The following ITPR2 variants were observed in gnomAD, a reference collection of about 807,000 sequenced individuals.
The protein encoded by ITPR2 is inositol 1,4,5-trisphosphate-gated calcium channel ITPR2.
In ITPR2, 207 loss-of-function variants were observed where a neutral mutation model predicts 317.1. The ratio of observed to expected loss-of-function variants is 0.65; its 90% CI spans 0.58 to 0.73. ITPR2 has a LOEUF of 0.73. Ranked by LOEUF, ITPR2 falls within the 30% of genes least tolerant of loss-of-function variation. The pLI, the probability that ITPR2 is intolerant of heterozygous loss-of-function variation, is 0.00. For synonymous variants in ITPR2, 1,156 were observed against 1,149.1 expected, an observed-to-expected ratio of 1.01 and a Z score of -0.12; for missense variants, 2,613 against 3,284.0, an observed-to-expected ratio of 0.80 and a Z score of 4.99.
At position 26,494,291 on chromosome 12, in the gene ITPR2, G is replaced by T; in HGVS notation, c.5232C>A (p.Asp1744Glu). The T allele has an allele frequency of 6.2e-7, 1 of 1,612,550 alleles. No homozygotes were observed. The highest frequency in any genetic ancestry group is 8.5e-7 in the Non-Finnish European group (1 of 1,179,428). The change falls in exon 39 of 57, where the codon GAC becomes GAA. Residue 1744 changes from aspartate to glutamate, a missense_variant. By Grantham distance (45) the Asp-to-Glu change is conservative (BLOSUM62 2). Coordinates refer to ENST00000381340, the MANE Select transcript of ITPR2 (RefSeq NM_002223.4). The stretch of plus-strand genomic sequence containing the variant: ...CTTCTTTATCCAGCAGACACTGAAT[G>T]TCTGACATTGATATCCCCATCTTAT... The part of the protein sequence containing the change: ...DSDKMGISMS[D>E]IQCLLDKEGA...
intron 26 of ITPR2, 24 bp from the exon 27 acceptor site, chr12:26,602,730 T>G: frequency 7.7e-7 from 1 of 1,307,132 alleles, no homozygotes; most frequent in Non-Finnish European, 1.1e-6. Flanking sequence ...AAATATGTAC[T>G]TTTATGCCAT....
At chr12:26,684,838 TAGTA>T (rs1430513165) in intron 11 of ITPR2, among the ~76,000 whole-genome samples, 1 of 151,944 alleles carries the variant, frequency 6.6e-6, no homozygotes, top group Non-Finnish European at 1.5e-5. Flanking sequence ...AGTAAAGTCA[TAGTA>T]AGGATTGATT....
At position 26,589,833 on chromosome 12, in the gene ITPR2, C is replaced by CAT. The variant is rs796334245; in HGVS notation, c.4380+5630_4380+5631dup. ...AAAAATAAATAAATAAATAAATAAA[C>CAT]ATATATATATATATATATATACACA... On this transcript the variant is annotated intron_variant, in intron 32 of 56. Transcript: ENST00000381340. 5.5e-3 allele frequency among the ~76,000 whole-genome samples: 180 copies of CAT among 32,880 alleles called. 13 individuals are homozygous for CAT. Among genetic ancestry groups the CAT allele is most frequent in the African/African-American group, 0.011 (114 of 10,608 alleles). The allele number at this position is 32,880 out of a possible 152,430, so 21.6% of individuals were successfully genotyped here.
chr12:26,469,978 G>A (rs1370419942), intron 45 of ITPR2, among the ~76,000 whole-genome samples: 1 of 152,156 alleles, frequency 6.6e-6, no homozygotes, highest in Non-Finnish European at 1.5e-5. Flanking sequence ...GGGCCTGCAA[G>A]CCCAACTGGC....
chr12:26,816,092 CAAAAAAAAAAAAA>C lies in ITPR2; in HGVS notation c.92+16585_92+16597del, dbSNP rs11409442. ...TGGGTGACAGAGCAAGACTCCGTCT[CAAAAAAAAAAAAA>C]AAAAAAAAAAGGTGTACTGCAAAAT... On this transcript the variant is annotated intron_variant, in intron 1 of 56. Coordinates refer to ENST00000381340, the MANE Select transcript of ITPR2 (RefSeq NM_002223.4). Among the ~76,000 whole-genome samples the C allele has an allele frequency of 8.4e-5, 5 of 59,510 alleles. No homozygotes were observed. The East Asian group carries it at 1.5e-3, about 18-fold the overall frequency. 39.0% of individuals were successfully genotyped at this position (59,510 alleles called of 152,430 possible). A position where few individuals can be genotyped will look rare whatever the true frequency, so the allele number is the denominator to read the frequency against.
chr12:26,602,992 C>T (rs1230942051), intron 26 of ITPR2, among the ~76,000 whole-genome samples: 1 of 152,054 alleles, frequency 6.6e-6, no homozygotes, highest in Non-Finnish European at 1.5e-5. Flanking sequence ...AGTGCATATC[C>T]ATATGAGACA....
chr12:26,725,500 G>C (rs768325659), intron 3 of ITPR2, 150 bp downstream of exon 3: 5 of 605,756 alleles, frequency 8.3e-6, no homozygotes, highest in African/African-American at 1.9e-5. Context: ...CCTATTACTT[G>C]AAAAGCCCTT....
intron 55 of ITPR2, among the ~76,000 whole-genome samples, chr12:26,353,437 C>T (rs1444215992): frequency 1.3e-5 from 2 of 152,166 alleles, no homozygotes; most frequent in Non-Finnish European, 2.9e-5. Context: ...TCAAGGTGGC[C>T]TACAGAAAGA....
chr12:26,427,849 T>G, intron 49 of ITPR2, 64 bp downstream of exon 49: 2 of 1,085,748 alleles, frequency 1.8e-6, no homozygotes, highest in Middle Eastern at 2.4e-4. Context: ...TATAGTTATA[T>G]TTTTATATTT....
intron 34 of ITPR2, among the ~76,000 whole-genome samples, chr12:26,572,371 T>C (rs1243306437): frequency 6.6e-6 from 1 of 152,132 alleles, no homozygotes; most frequent in Non-Finnish European, 1.5e-5. Flanking sequence ...AAACAGGAGA[T>C]TCATGGCAAT....
intron 45 of ITPR2, among the ~76,000 whole-genome samples, chr12:26,464,832 G>T (rs4963999): frequency 0.49 from 74,519 of 152,030 alleles, 21,656 homozygotes; most frequent in Non-Finnish European, 0.63. Flanking sequence ...CCAGGCTTGG[G>T]CTACAGGAAT....
intron 45 of ITPR2, among the ~76,000 whole-genome samples, chr12:26,474,755 C>T (rs1488684419): frequency 2.3e-5 from 3 of 132,750 alleles, no homozygotes; most frequent in Non-Finnish European, 4.6e-5. Flanking sequence ...GATCCCGCCA[C>T]TGCACTCCAG....
intron 8 of ITPR2, among the ~76,000 whole-genome samples, chr12:26,711,675 T>C (rs926761233): frequency 6.6e-6 from 1 of 152,104 alleles, no homozygotes; most frequent in Admixed American, 6.5e-5. Flanking sequence ...TCCATTCTAA[T>C]GGAAAAGAGA....
chr12:26,713,100 T>G (rs953523860), intron 8 of ITPR2, among the ~76,000 whole-genome samples: 3 of 152,200 alleles, frequency 2.0e-5, no homozygotes, highest in Non-Finnish European at 4.4e-5. Context: ...AGCAGCTGAC[T>G]AGTGCCCGCT....
At chr12:26,473,782 G>T (rs563645914) in intron 45 of ITPR2, among the ~76,000 whole-genome samples, 18 of 152,058 alleles carry the variant, frequency 1.2e-4, no homozygotes, top group Non-Finnish European at 2.5e-4. Context: ...GACTCACTTT[G>T]TGTCACATGG....
chr12:26,622,627 G>A (rs921132647), intron 24 of ITPR2, among the ~76,000 whole-genome samples: 16 of 152,284 alleles, frequency 1.1e-4, no homozygotes, highest in Middle Eastern at 3.4e-3. Flanking sequence ...CAAACATCCC[G>A]GTTTATCCAA....
rs1239120187 is a variant in ITPR2, at chr12:26,831,783, TATATAA to T, written c.92+901_92+906del. On this transcript the variant is annotated intron_variant, in intron 1 of 56. Transcript: ENST00000381340. The surrounding 1 kb of genome is among the most constrained non-coding windows in gnomAD (Gnocchi z 4.9). Reference sequence around the variant, plus strand: ...ATATAAATATATATTCTACATAAAATATATAAATATATATTATACATAAAATATATA... The same window carrying T: ...ATATAAATATATATTCTACATAAAATATATATATTATACATAAAATATATA... Among the ~76,000 whole-genome samples the T allele has an allele frequency of 2.0e-5, 2 of 99,506 alleles. No individual in the cohort carries two copies. Among genetic ancestry groups the T allele is most frequent in the African/African-American group, 7.1e-5 (2 of 28,192 alleles). 65.3% of individuals were successfully genotyped at this position (99,506 alleles called of 152,430 possible). A position where few individuals can be genotyped will look rare whatever the true frequency, so the allele number is the denominator to read the frequency against.
At chr12:26,422,935 C>T (rs527306690) in intron 49 of ITPR2, among the ~76,000 whole-genome samples, 2 of 152,270 alleles carry the variant, frequency 1.3e-5, no homozygotes, top group African/African-American at 4.8e-5. Flanking sequence ...ATCTCCATTT[C>T]AGGGGCATTA....
At chr12:26,440,796 T>C (rs960631628) in intron 46 of ITPR2, among the ~76,000 whole-genome samples, 2 of 152,170 alleles carry the variant, frequency 1.3e-5, no homozygotes, top group Non-Finnish European at 2.9e-5. Flanking sequence ...AAATCATGTC[T>C]AGATTATTAT....
Sources: allele counts gnomAD v4.1 joint callset (sites outside exome capture counted in the v4.1 genomes callset), GRCh38; gene constraint gnomAD v4.1.1; non-coding constraint Gnocchi (gnomAD v3.1); transcripts MANE v1.5; gene names NCBI Gene and HGNC (gene_info 2026-07-23, HGNC 2026-07-21).